RAD23B: variants seen among roughly 807,000 people sequenced by gnomAD.
RAD23B encodes the protein RAD23 nucleotide excision repair protein B.
Under a neutral mutation model 49.1 loss-of-function variants are expected in RAD23B, and 5 were observed. The ratio of observed to expected loss-of-function variants is 0.10; its 90% CI spans 0.05 to 0.21. The LOEUF is 0.21. Among genes scored for constraint, RAD23B ranks in the 10% least tolerant of loss-of-function variants. The pLI is 1.00. For synonymous variants in RAD23B, 184 were observed against 165.4 expected (o/e 1.11, Z -0.86); for missense variants, 356 against 486.7 (o/e 0.73, Z 2.53).
intron 7 of RAD23B, 52 bp downstream of exon 7, chr9:107,322,170 A>G (rs1827123479): frequency 1.3e-6 from 2 of 1,509,222 alleles, no homozygotes; most frequent in African/African-American, 1.4e-5. Flanking sequence ...TTTTTAGTGT[A>G]AAATAATTTA....
At position 107,300,223 on chromosome 9, in the gene RAD23B, G is replaced by A; in HGVS notation, c.148+1G>A. The stretch of plus-strand genomic sequence containing the variant: ...GCAGGTCAAAAATTAATTTATGCAG[G>A]TATGAATTAAATATTAAAATTAACA... On this transcript the variant is annotated splice_donor_variant, in intron 2 of 9. Coordinates refer to ENST00000358015, the MANE Select transcript of RAD23B (RefSeq NM_002874.5). LOFTEE classifies it high-confidence loss of function. 1 of 1,599,892 alleles carries A rather than the reference G, an allele frequency of 6.3e-7. No homozygotes were observed. Among genetic ancestry groups the A allele is most frequent in the Admixed American group, 1.7e-5 (1 of 57,664 alleles).
chr9:107,296,033 G>A (rs1364931250), intron 1 of RAD23B, among the ~76,000 whole-genome samples: 3 of 152,200 alleles, frequency 2.0e-5, no homozygotes, highest in African/African-American at 7.2e-5. Context: ...GAGCTGGTAG[G>A]AACAGGAGAT....
rs903781760 is a variant in RAD23B, at chr9:107,322,693, G to A, written c.817+575G>A. Among the ~76,000 whole-genome samples the A allele has an allele frequency of 5.3e-5, 8 of 152,280 alleles. No individual in the cohort carries two copies. In the South Asian group the frequency reaches 1.0e-3, roughly 20 times the overall value. ...AATTACGCAGTGTTCTCCTTCGTTC[G>A]TTCTTCTGTATATTAATAAAGTAAT... On this transcript the variant is annotated intron_variant, in intron 7 of 9. Transcript: ENST00000358015.
intron 5 of RAD23B, among the ~76,000 whole-genome samples, chr9:107,312,563 A>C (rs1826909300): frequency 6.7e-6 from 1 of 149,712 alleles, no homozygotes; most frequent in Non-Finnish European, 1.5e-5. Context: ...ATTTAGTGGC[A>C]AAACGGCAGT....
intron 6 of RAD23B, among the ~76,000 whole-genome samples, chr9:107,319,128 CTTTTTTTTTTT>C (rs56891354): frequency 8.2e-5 from 8 of 97,790 alleles, no homozygotes; most frequent in African/African-American, 1.6e-4. Flanking sequence ...TTTCTTTTTT[CTTTTTTTTTTT>C]TTTTTTTTTG....
intron 1 of RAD23B, among the ~76,000 whole-genome samples, chr9:107,292,041 C>G (rs1174780158): frequency 6.6e-6 from 1 of 152,194 alleles, no homozygotes; most frequent in Non-Finnish European, 1.5e-5. Flanking sequence ...ACTGTAGACT[C>G]TGTATATCCC....
chr9:107,285,773 C>T (rs1048087385), intron 1 of RAD23B, among the ~76,000 whole-genome samples: 4 of 151,986 alleles, frequency 2.6e-5, no homozygotes, highest in African/African-American at 7.3e-5. Flanking sequence ...ACTGTTAGTC[C>T]GGGGCAAGAA....
chr9:107,299,826 G>A (rs547250858), intron 1 of RAD23B, among the ~76,000 whole-genome samples: 10 of 152,102 alleles, frequency 6.6e-5, no homozygotes, highest in South Asian at 4.2e-4. Context: ...TTCTTGCTCC[G>A]TGGGAAATAA....
chr9:107,283,992 G>A, intron 1 of RAD23B: 21 of 1,106,928 alleles, frequency 1.9e-5, no homozygotes, highest in Non-Finnish European at 2.3e-5. Context: ...GGGGCCGGAG[G>A]GGGATGGGAA....
In RAD23B at chr9:107,322,100, A is replaced by G. The variant is rs1850422096; in HGVS notation, c.799A>G (p.Thr267Ala). ...AAAATTTATT[T>A]TTSSGGHPLE... is the part of the protein sequence containing the mutation. The stretch of plus-strand genomic sequence containing the variant: ...TGCAGCAACTACGACAGCAACAACT[A>G]CAACAACAAGTTCTGGAGGTAAAGC... Residue 267 changes from threonine (T) to alanine (A), a missense_variant, in exon 7 of 10, where the codon ACA becomes GCA. By Grantham distance (58) the Thr-to-Ala change is moderately conservative (BLOSUM62 0). This residue lies in a region of RAD23B where 148 missense variants were observed against 231.7 expected (regional missense o/e 0.64). Transcript: ENST00000358015. The G allele has an allele frequency of 6.2e-7, 1 of 1,608,174 alleles. No homozygotes were observed. Among genetic ancestry groups the G allele is most frequent in the South Asian group, 1.1e-5 (1 of 90,108 alleles).
At chr9:107,308,327 T>C (rs1366111220) in intron 4 of RAD23B, among the ~76,000 whole-genome samples, 1 of 151,956 alleles carries the variant, frequency 6.6e-6, no homozygotes, top group Non-Finnish European at 1.5e-5. Context: ...CAAGCGATTC[T>C]CCTGTCTCAG....
In RAD23B at chr9:107,331,484, T is replaced by C. The variant is rs1827305626; in HGVS notation, c.*1828T>C. 1.8e-6 allele frequency: 1 copy of C among 542,934 alleles called. No homozygotes were observed. The highest frequency in any genetic ancestry group is 3.2e-5 in the Admixed American group (1 of 31,518). 33.6% of individuals were successfully genotyped at this position (542,934 alleles called of 1,614,324 possible). A position where few individuals can be genotyped will look rare whatever the true frequency, so the allele number is the denominator to read the frequency against. ...CACCACTGCCATAAACATGACAGGC[T>C]TTTGGACTTTGTATTACCTGTATGT... On this transcript the variant is annotated 3_prime_UTR_variant, in exon 10 of 10. Transcript: ENST00000358015.
intron 1 of RAD23B, among the ~76,000 whole-genome samples, chr9:107,291,300 G>C (rs1294259661): frequency 6.6e-6 from 1 of 152,104 alleles, no homozygotes; most frequent in African/African-American, 2.4e-5. Context: ...TCAAATTCCT[G>C]TGTTTCTTTT....
intron 9 of RAD23B, among the ~76,000 whole-genome samples, chr9:107,325,309 G>T (rs1827184230): frequency 1.4e-5 from 1 of 72,778 alleles, no homozygotes; most frequent in Non-Finnish European, 2.2e-5. Context: ...GTGAGACTCT[G>T]TCTCAAAAAA....
In RAD23B at chr9:107,283,539, G is replaced by A. The variant is rs11573611; in HGVS notation, c.-91G>A. 1 of 952,654 alleles carries A rather than the reference G, an allele frequency of 1.0e-6. No individual in the cohort carries two copies. The highest frequency in any genetic ancestry group is 1.4e-6 in the Non-Finnish European group (1 of 695,490). The allele number at this position is 952,654 out of a possible 1,614,324, so 59.0% of individuals were successfully genotyped here. A position where few individuals can be genotyped will look rare whatever the true frequency, so the allele number is the denominator to read the frequency against. On this transcript the variant is annotated 5_prime_UTR_variant, in exon 1 of 10. Transcript: ENST00000358015. ...CCTTCCTCCCCAGAGCGCGAGGAGC[G>A]CGGGCGACCCCGGGGCCCCGCCAGG...
chr9:107,313,382 C>T (rs952166249), intron 5 of RAD23B, among the ~76,000 whole-genome samples: 15 of 152,172 alleles, frequency 9.9e-5, no homozygotes, highest in Non-Finnish European at 2.9e-5. Flanking sequence ...CGTGCCACCA[C>T]GCCCGACTAA....
chr9:107,299,514 A>T lies in RAD23B; in HGVS notation c.67-627A>T, dbSNP rs1253231690. Among the ~76,000 whole-genome samples, 6 of 152,346 alleles carry T rather than the reference A, an allele frequency of 3.9e-5. No homozygotes were observed. The South Asian group carries it at 1.0e-3, about 26-fold the overall frequency. On this transcript the variant is annotated intron_variant, in intron 1 of 9. Coordinates refer to ENST00000358015, the MANE Select transcript of RAD23B (RefSeq NM_002874.5). ...CTCCTCTTACAGATGAATGAAGCTG[A>T]TGCTGAGAGAAGCTAAGCTGCTTGT...
rs1827281440 is a variant in RAD23B at position 107,330,117 on chromosome 9, CTG to C, written c.*463_*464del. On this transcript the variant is annotated 3_prime_UTR_variant, in exon 10 of 10. Transcript: ENST00000358015. This position sits in a 1 kb window ranked among gnomAD's most constrained non-coding sequence, Gnocchi z 4.4. Reference sequence around the variant, plus strand: ...GAAATTTAAAAAATTTTTGTAGCGACTGTAAACAGAAATGCCAAATTGATGGT... The same window carrying C: ...GAAATTTAAAAAATTTTTGTAGCGACTAAACAGAAATGCCAAATTGATGGT... 1 of 152,580 alleles carries C rather than the reference CTG, an allele frequency of 6.6e-6. No individual in the cohort carries two copies. The highest frequency in any genetic ancestry group is 2.4e-5 in the African/African-American group (1 of 41,438). The allele number at this position is 152,580 out of a possible 1,614,324, so 9.5% of individuals were successfully genotyped here. A position where few individuals can be genotyped will look rare whatever the true frequency, so the allele number is the denominator to read the frequency against.
At chr9:107,302,729 C>A (rs1209487707) in intron 3 of RAD23B, among the ~76,000 whole-genome samples, 1 of 150,350 alleles carries the variant, frequency 6.7e-6, no homozygotes, top group African/African-American at 2.4e-5. Flanking sequence ...TGTCTTGGCT[C>A]ACTACAAGCT....
Sources: gnomAD v4.1 joint callset for allele counts (sites outside exome capture counted in the v4.1 genomes callset) on GRCh38, gnomAD v4.1.1 for gene constraint, gnomAD v4.1.1 regional missense constraint, Gnocchi (gnomAD v3.1) non-coding constraint, MANE v1.5 for transcripts, NCBI Gene and HGNC (gene_info 2026-07-23, HGNC 2026-07-21) for gene names.